The following CLYBL variants were observed in gnomAD, a reference collection of about 807,000 sequenced individuals.
CLYBL encodes the protein citramalyl-CoA lyase, mitochondrial.
A neutral mutation model predicts 38.9 loss-of-function variants in CLYBL; 31 were observed. That is an observed-to-expected ratio of 0.80 (90% CI 0.60 to 1.08). The LOEUF (loss-of-function observed/expected upper bound fraction) is 1.08, where lower values mean the gene tolerates loss of function less well. Ranked by LOEUF, CLYBL falls within the 50% of genes least tolerant of loss-of-function variation. The probability of loss-of-function intolerance (pLI) is 0.00; values close to 1 mark genes in which losing one functional copy is unlikely to be tolerated. For missense variants in CLYBL, 434 were observed against 411.6 expected (o/e 1.05, Z -0.47); for synonymous variants, 171 against 158.6 (o/e 1.08, Z -0.59).
At chr13:99,717,132 T>G (rs994857226) in intron 1 of CLYBL, among the ~76,000 whole-genome samples, 1 of 151,870 alleles carries the variant, frequency 6.6e-6, no homozygotes, top group African/African-American at 2.4e-5. Flanking sequence ...AGATATGAAT[T>G]ATCTGTTTCT....
chr13:99,634,888 C>T (rs1280597820), intron 1 of CLYBL, among the ~76,000 whole-genome samples: 1 of 152,192 alleles, frequency 6.6e-6, no homozygotes, highest in South Asian at 2.1e-4. Flanking sequence ...GCTCTCTGGC[C>T]TTGGGCACCT....
intron 1 of CLYBL, among the ~76,000 whole-genome samples, chr13:99,612,414 G>T (rs147387821): frequency 0.06 from 7,376 of 122,642 alleles, 718 homozygotes; most frequent in African/African-American, 0.21. Flanking sequence ...TTGAGACAAG[G>T]TCTTGCTCTG....
chr13:99,703,576 A>G (rs921343618), intron 1 of CLYBL, among the ~76,000 whole-genome samples: 11 of 152,116 alleles, frequency 7.2e-5, no homozygotes, highest in African/African-American at 2.7e-4. Flanking sequence ...TCACCGTGTT[A>G]GCCAGAGTAG....
At position 99,667,986 on chromosome 13, in the gene CLYBL, A is replaced by G. The variant is rs551868113; in HGVS notation, c.62+61229A>G. On this transcript the variant is annotated intron_variant, in intron 1 of 8. Coordinates refer to ENST00000339105, the MANE Select transcript of CLYBL (RefSeq NM_206808.5). ...AATAAATCTTCATCTTCAATAGAAC[A>G]TTAGAGGCTGGGCATGGTGGCTCAC... Among the ~76,000 whole-genome samples the G allele has an allele frequency of 4.5e-4, 68 of 152,332 alleles. 1 individual carries two copies. The highest frequency in any genetic ancestry group is 8.1e-4 in the Non-Finnish European group (55 of 68,020).
At chr13:99,618,781 G>C (rs1180488650) in intron 1 of CLYBL, among the ~76,000 whole-genome samples, 1 of 152,032 alleles carries the variant, frequency 6.6e-6, no homozygotes, top group Non-Finnish European at 1.5e-5. Context: ...ACTACTCTAG[G>C]TACTTCACAT....
chr13:99,753,343 T>A (rs1377416507), intron 1 of CLYBL, among the ~76,000 whole-genome samples: 1 of 152,094 alleles, frequency 6.6e-6, no homozygotes, highest in Non-Finnish European at 1.5e-5. Flanking sequence ...AAGTCCAGAC[T>A]GGCTGTGGTG....
chr13:99,749,831 A>G (rs1039799126), intron 1 of CLYBL, among the ~76,000 whole-genome samples: 3 of 152,194 alleles, frequency 2.0e-5, no homozygotes, highest in Admixed American at 6.5e-5. Flanking sequence ...TTCTCCTTGC[A>G]TGGTTGCCAT....
intron 1 of CLYBL, among the ~76,000 whole-genome samples, chr13:99,621,517 T>G (rs914143012): frequency 6.6e-6 from 1 of 152,204 alleles, no homozygotes; most frequent in Non-Finnish European, 1.5e-5. Context: ...CTTTGATGCC[T>G]CCTCTCCTCT....
At chr13:99,736,561 A>G (rs1346194591) in intron 1 of CLYBL, among the ~76,000 whole-genome samples, 1 of 152,134 alleles carries the variant, frequency 6.6e-6, no homozygotes, top group Non-Finnish European at 1.5e-5. Context: ...ATCGGCAGGT[A>G]AGAGTTAGAA....
chr13:99,663,380 C>T (rs1032087884), intron 1 of CLYBL, among the ~76,000 whole-genome samples: 1 of 152,192 alleles, frequency 6.6e-6, no homozygotes, highest in Admixed American at 6.5e-5. Flanking sequence ...GTAGTTCTCC[C>T]TGAGCAGTAA....
At chr13:99,758,926 A>T (rs1031842603) in intron 1 of CLYBL, among the ~76,000 whole-genome samples, 12 of 152,106 alleles carry the variant, frequency 7.9e-5, no homozygotes, top group African/African-American at 2.9e-4. Flanking sequence ...TGTGCTTAGC[A>T]CAGTGCAGCT....
chr13:99,664,152 T>C (rs761786210), intron 1 of CLYBL, among the ~76,000 whole-genome samples: 1 of 152,234 alleles, frequency 6.6e-6, no homozygotes, highest in Non-Finnish European at 1.5e-5. Context: ...TGGTCATAGA[T>C]GTGGAGCTTG....
chr13:99,840,716 C>T (rs1412496437), intron 2 of CLYBL, among the ~76,000 whole-genome samples: 1 of 129,702 alleles, frequency 7.7e-6, no homozygotes, highest in African/African-American at 3.0e-5. Context: ...TACCACTGCA[C>T]TCCAGTCTGG....
chr13:99,751,067 C>T lies in CLYBL; in HGVS notation c.63-21757C>T, dbSNP rs966422061. ...TTGTACAGCCATGTTCGTAGCAGCA[C>T]TATTCACATTAGCAAAGAGGTGGCA... is the stretch of plus-strand genomic sequence containing the variant. On this transcript the variant is annotated intron_variant, in intron 1 of 8. Coordinates refer to ENST00000339105, the MANE Select transcript of CLYBL (RefSeq NM_206808.5). Among the ~76,000 whole-genome samples the T allele has an allele frequency of 2.0e-5, 3 of 152,144 alleles. No individual in the cohort carries two copies. The East Asian group carries it at 5.8e-4, about 29-fold the overall frequency.
intron 2 of CLYBL, among the ~76,000 whole-genome samples, chr13:99,838,485 C>CGT (rs376683209): frequency 0.011 from 1,704 of 152,174 alleles, 28 homozygotes; most frequent in African/African-American, 0.039. Flanking sequence ...GAAATGCCAC[C>CGT]GTGTGTGGCA....
chr13:99,609,397 G>A (rs983414046), intron 1 of CLYBL, among the ~76,000 whole-genome samples: 1 of 151,900 alleles, frequency 6.6e-6, no homozygotes, highest in African/African-American at 2.4e-5. Flanking sequence ...GGATGGTCTC[G>A]ATCTTCTGAC....
intron 1 of CLYBL, among the ~76,000 whole-genome samples, chr13:99,651,102 C>G (rs61974380): frequency 0.041 from 6,190 of 152,316 alleles, 157 homozygotes; most frequent in Middle Eastern, 0.12. Flanking sequence ...GTCACCCACA[C>G]TGCCGTGGGC....
At chr13:99,630,211 T>C (rs948268436) in intron 1 of CLYBL, among the ~76,000 whole-genome samples, 6 of 152,228 alleles carry the variant, frequency 3.9e-5, no homozygotes, top group Non-Finnish European at 8.8e-5. Context: ...TTAACTGTCA[T>C]GTAAGCCCCT....
chr13:99,699,970 C>T (rs940197120), intron 1 of CLYBL, among the ~76,000 whole-genome samples: 22 of 151,548 alleles, frequency 1.5e-4, no homozygotes, highest in Admixed American at 1.3e-3. Flanking sequence ...CCAGCCTGGG[C>T]GACAGAGCGA....
Sources: allele counts gnomAD v4.1 joint callset (sites outside exome capture counted in the v4.1 genomes callset), GRCh38; gene constraint gnomAD v4.1.1; transcripts MANE v1.5; gene names NCBI Gene and HGNC (gene_info 2026-07-23, HGNC 2026-07-21).